Variants in MAGI2 observed in about 807,000 individuals in gnomAD.
The protein encoded by MAGI2 is membrane-associated guanylate kinase, WW and PDZ domain-containing protein 2.
MAGI2 carries 35 observed loss-of-function variants against 133.3 expected under a neutral mutation model. The observed-to-expected ratio is 0.26, with a 90% CI of 0.20 to 0.35. The LOEUF (loss-of-function observed/expected upper bound fraction) is 0.35. Ranked by LOEUF, MAGI2 falls within the 10% of genes least tolerant of loss-of-function variation. MAGI2 has a pLI of 1.00. For synonymous variants in MAGI2, 729 were observed against 710.6 expected, an observed-to-expected ratio of 1.03 and a Z score of -0.41; for missense variants, 1,636 against 1,863.4, an observed-to-expected ratio of 0.88 and a Z score of 2.25.
At chr7:79,176,835 A>T (rs1340019535) in intron 1 of MAGI2, 1 of 151,540 alleles carries the variant, frequency 6.6e-6, no homozygotes, top group African/African-American at 2.4e-5. Context: ...AAAATGACAC[A>T]CTCAATGTAC....
intron 18 of MAGI2, among the ~76,000 whole-genome samples, chr7:78,132,080 G>A (rs749219424): frequency 3.3e-5 from 5 of 152,152 alleles, no homozygotes; most frequent in Non-Finnish European, 5.9e-5. Context: ...TCACCACGTT[G>A]CTCAGGCTGG....
chr7:78,572,257 T>C (rs1246840217), intron 3 of MAGI2, among the ~76,000 whole-genome samples: 1 of 152,144 alleles, frequency 6.6e-6, no homozygotes, highest in South Asian at 2.1e-4. Context: ...TTTAATTGAT[T>C]ATCGAGGAAA....
intron 5 of MAGI2, among the ~76,000 whole-genome samples, chr7:78,498,982 A>G (rs1281541051): frequency 2.6e-5 from 4 of 151,952 alleles, no homozygotes; most frequent in Non-Finnish European, 5.9e-5. Context: ...TTCCACCTCC[A>G]TCCATTTCTG....
intron 9 of MAGI2, among the ~76,000 whole-genome samples, chr7:78,343,193 A>G (rs980988772): frequency 5.3e-5 from 8 of 152,154 alleles, no homozygotes; most frequent in Non-Finnish European, 8.8e-5. Flanking sequence ...GTCCTTAGCA[A>G]TTTGCCTCTG....
intron 4 of MAGI2, among the ~76,000 whole-genome samples, chr7:78,502,502 A>G (rs1794709759): frequency 6.6e-6 from 1 of 152,224 alleles, no homozygotes; most frequent in Admixed American, 6.5e-5. Context: ...GCAAAAATAG[A>G]TGATTACAGT....
At chr7:78,273,081 G>A (rs1215083259) in intron 9 of MAGI2, among the ~76,000 whole-genome samples, 1 of 152,230 alleles carries the variant, frequency 6.6e-6, no homozygotes, top group Non-Finnish European at 1.5e-5. Flanking sequence ...GCTGCTACCA[G>A]TTGATCCTTT....
chr7:78,602,189 C>T (rs1046801292), intron 3 of MAGI2, among the ~76,000 whole-genome samples: 1 of 148,426 alleles, frequency 6.7e-6, no homozygotes, highest in Non-Finnish European at 1.5e-5. Flanking sequence ...TCTTGTTGCA[C>T]AGGCTTGTTG....
chr7:78,122,640 C>T (rs150242738), intron 20 of MAGI2, among the ~76,000 whole-genome samples: 27 of 152,026 alleles, frequency 1.8e-4, no homozygotes, highest in East Asian at 3.9e-4. Flanking sequence ...TATGGAAATG[C>T]GAACTATATT....
At chr7:78,948,085 C>G (rs1217963328) in intron 2 of MAGI2, among the ~76,000 whole-genome samples, 1 of 151,938 alleles carries the variant, frequency 6.6e-6, no homozygotes, top group Non-Finnish European at 1.5e-5. Flanking sequence ...AAAAGTGAGA[C>G]TAAAATGATT....
chr7:78,912,762 T>A (rs1450131273), intron 2 of MAGI2, among the ~76,000 whole-genome samples: 1 of 147,426 alleles, frequency 6.8e-6, no homozygotes, highest in Admixed American at 6.8e-5. Context: ...TATATATATA[T>A]CATTCATATA....
chr7:78,356,258 GTA>G (rs1365642600), intron 7 of MAGI2, among the ~76,000 whole-genome samples: 1 of 152,140 alleles, frequency 6.6e-6, no homozygotes, highest in African/African-American at 2.4e-5. Flanking sequence ...ACAAAACTAT[GTA>G]TGTCTCGTCT....
At chr7:78,159,990 C>G in intron 16 of MAGI2, 35 bp downstream of exon 16, 1 of 1,524,398 alleles carries the variant, frequency 6.6e-7, no homozygotes, top group Middle Eastern at 1.8e-4. Context: ...AAAACAAGAC[C>G]CCTTATTCAA....
At chr7:78,684,497 T>C (rs572231407) in intron 2 of MAGI2, among the ~76,000 whole-genome samples, 2 of 152,290 alleles carry the variant, frequency 1.3e-5, no homozygotes, top group Admixed American at 6.5e-5. Context: ...AAGGACTCTT[T>C]GGGAGCCACT....
At chr7:78,449,535 T>C (rs2151479630) in intron 6 of MAGI2, among the ~76,000 whole-genome samples, 1 of 152,240 alleles carries the variant, frequency 6.6e-6, no homozygotes, top group African/African-American at 2.4e-5. Context: ...TCAAAAGTTC[T>C]AAGCAGAGTC....
At chr7:79,093,711 T>G in intron 1 of MAGI2, among the ~76,000 whole-genome samples, 1 of 110,710 alleles carries the variant, frequency 9.0e-6, no homozygotes, top group Non-Finnish European at 2.0e-5. Flanking sequence ...TTTCTTTTCT[T>G]TTCTTTTTTT....
chr7:79,378,940 A>G (rs1173272328), intron 1 of MAGI2, among the ~76,000 whole-genome samples: 4 of 63,372 alleles, frequency 6.3e-5, no homozygotes, highest in East Asian at 8.4e-4. Context: ...ATATATATAT[A>G]TATATATATA....
chr7:79,076,463 G>A (rs1053174381), intron 1 of MAGI2, among the ~76,000 whole-genome samples: 1 of 152,150 alleles, frequency 6.6e-6, no homozygotes, highest in Non-Finnish European at 1.5e-5. Flanking sequence ...AATCAAGAAT[G>A]ACAATGATAG....
chr7:78,138,982 A>C (rs1206520466), intron 16 of MAGI2, among the ~76,000 whole-genome samples: 2 of 152,262 alleles, frequency 1.3e-5, no homozygotes, highest in African/African-American at 4.8e-5. Flanking sequence ...TGAGACTTCA[A>C]GATGAAAGTT....
Position 79,449,877 on chromosome 7 carries a change from C to CATATATATATATAT in MAGI2, c.301+3129_301+3142dup, listed in dbSNP as rs59881896. 1.3e-3 allele frequency among the ~76,000 whole-genome samples: 157 copies of CATATATATATATAT among 120,614 alleles called. 1 individual carries two copies. Among genetic ancestry groups the CATATATATATATAT allele is most frequent in the Middle Eastern group, 0.013 (3 of 238 alleles). 79.1% of individuals were successfully genotyped at this position (120,614 alleles called of 152,430 possible). A position where few individuals can be genotyped will look rare whatever the true frequency, so the allele number is the denominator to read the frequency against. On this transcript the variant is annotated intron_variant, in intron 1 of 21. Coordinates refer to ENST00000354212, the MANE Select transcript of MAGI2 (RefSeq NM_012301.4). ...GTGTAGAAACACTGTGAGATATATA[C>CATATATATATATAT]ATATATATATATATATATATAATGT...
Sources: allele counts gnomAD v4.1 joint callset (sites outside exome capture counted in the v4.1 genomes callset), GRCh38; gene constraint gnomAD v4.1.1; transcripts MANE v1.5; gene names NCBI Gene and HGNC (gene_info 2026-07-23, HGNC 2026-07-21).